The following GRAMD4 variants were observed in gnomAD, a reference collection of about 807,000 sequenced individuals.
GRAMD4 encodes the protein GRAM domain-containing protein 4.
In GRAMD4, 25 loss-of-function variants were observed where a neutral mutation model predicts 83.9. That is an observed-to-expected ratio of 0.30 (90% CI 0.22 to 0.42). The LOEUF is 0.42. Ranked by LOEUF, GRAMD4 falls within the 10% of genes least tolerant of loss-of-function variation. The pLI is 1.00. For missense variants in GRAMD4, 593 were observed against 788.7 expected, an observed-to-expected ratio of 0.75 and a Z score of 2.97; for synonymous variants, 336 against 320.9, an observed-to-expected ratio of 1.05 and a Z score of -0.50.
At chr22:46,636,897 G>A (rs2081897064) in intron 2 of GRAMD4, among the ~76,000 whole-genome samples, 1 of 152,240 alleles carries the variant, frequency 6.6e-6, no homozygotes, top group Non-Finnish European at 1.5e-5. Context: ...GCTTGCTGGG[G>A]CTGTGAGCTG....
chr22:46,584,389 C>T (rs1569244254), intron 1 of GRAMD4, among the ~76,000 whole-genome samples: 1 of 152,140 alleles, frequency 6.6e-6, no homozygotes, highest in Admixed American at 6.5e-5. Flanking sequence ...CCTGTGTCCG[C>T]GTGTAGCCTC....
intron 11 of GRAMD4, 57 bp downstream of exon 11, chr22:46,668,224 G>T (rs2082440320): frequency 1.6e-6 from 2 of 1,278,912 alleles, no homozygotes; most frequent in South Asian, 1.2e-5. Flanking sequence ...GCACCAGCCA[G>T]GGGTGTGTCT....
chr22:46,643,627 G>A (rs986137920), intron 3 of GRAMD4, among the ~76,000 whole-genome samples: 6 of 152,038 alleles, frequency 3.9e-5, no homozygotes, highest in Admixed American at 3.3e-4. Context: ...TGCCTCTTTC[G>A]TCTCCTTTCA....
At chr22:46,671,103 G>A (rs1449061164) in intron 13 of GRAMD4, 1 of 469,516 alleles carries the variant, frequency 2.1e-6, no homozygotes, top group Non-Finnish European at 4.4e-6. Flanking sequence ...TCCAAGCAAG[G>A]ATGGCCCCAG....
rs1420429818 is a variant in GRAMD4 at position 46,678,505 on chromosome 22, G to A, written c.*1254G>A. 1.0e-6 allele frequency: 1 copy of A among 985,390 alleles called. No individual in the cohort carries two copies. The highest frequency in any genetic ancestry group is 1.2e-6 in the Non-Finnish European group (1 of 829,920). The allele number at this position is 985,390 out of a possible 1,614,324, so 61.0% of individuals were successfully genotyped here. ...CTGCTGGGGCCGCCTGCGCTGGGCT[G>A]AAGGGAGGGAAAGGCGGCTTGGGCC... On this transcript the variant is annotated 3_prime_UTR_variant, in exon 19 of 19. Coordinates refer to ENST00000406902, the MANE Select transcript of GRAMD4 (RefSeq NM_015124.5).
chr22:46,655,614 T>TG (rs1489189486), intron 3 of GRAMD4, among the ~76,000 whole-genome samples: 1 of 152,108 alleles, frequency 6.6e-6, no homozygotes, highest in Non-Finnish European at 1.5e-5. Context: ...CAGAGAGGGC[T>TG]GGGGGGTAGC....
chr22:46,585,895 A>G (rs2081145035), intron 1 of GRAMD4, among the ~76,000 whole-genome samples: 1 of 152,204 alleles, frequency 6.6e-6, no homozygotes, highest in Non-Finnish European at 1.5e-5. Flanking sequence ...AGGCTCCTGG[A>G]GACCCAACCA....
At chr22:46,604,861 C>T (rs1024678771) in intron 1 of GRAMD4, among the ~76,000 whole-genome samples, 2 of 135,792 alleles carry the variant, frequency 1.5e-5, no homozygotes, top group Non-Finnish European at 3.2e-5. Context: ...CCATAATGTT[C>T]TCTGGGTTCA....
chr22:46,658,615 G>A (rs1183291855), intron 4 of GRAMD4, among the ~76,000 whole-genome samples: 4 of 152,208 alleles, frequency 2.6e-5, no homozygotes, highest in South Asian at 4.2e-4. Context: ...CTTGGCATGG[G>A]GCCTGCAGAG....
intron 1 of GRAMD4, among the ~76,000 whole-genome samples, chr22:46,583,180 T>G (rs1339009411): frequency 6.6e-6 from 1 of 152,232 alleles, no homozygotes; most frequent in East Asian, 1.9e-4. Context: ...CGCTTCGGTC[T>G]CTCAAAGTGC....
intron 2 of GRAMD4, among the ~76,000 whole-genome samples, chr22:46,631,195 A>C (rs2081770725): frequency 6.6e-6 from 1 of 152,242 alleles, no homozygotes; most frequent in African/African-American, 2.4e-5. Flanking sequence ...TTTCACTGTC[A>C]GTGTGCAGTT....
At chr22:46,648,807 G>C (rs13058660) in intron 3 of GRAMD4, among the ~76,000 whole-genome samples, 6,054 of 76,782 alleles carry the variant, frequency 0.079, 881 homozygotes, top group East Asian at 0.13. Context: ...TGGATGCATG[G>C]ATGGATGGAT....
chr22:46,622,398 G>A lies in GRAMD4; in HGVS notation c.-50+1833G>A, dbSNP rs1264777222. Among the ~76,000 whole-genome samples, 1 of 152,144 alleles carries A rather than the reference G, an allele frequency of 6.6e-6. No individual in the cohort carries two copies. The stretch of plus-strand genomic sequence containing the variant: ...AACCAGGAGGACTCGCCGGGTTTTT[G>A]AAAATGGAAGGAAGTAGGTTTTACA... On this transcript the variant is annotated intron_variant, in intron 1 of 18. Transcript: ENST00000406902. This position sits in a 1 kb window ranked among gnomAD's most constrained non-coding sequence, Gnocchi z 4.0.
exon 1 of GRAMD4, chr22:46,577,220 G>A (rs1406623117): frequency 1.1e-6 from 1 of 931,392 alleles, no homozygotes. Context: ...GGCAGGCGTA[G>A]CGCGGCCGGG....
chr22:46,585,214 G>A (rs2081137314), intron 1 of GRAMD4, among the ~76,000 whole-genome samples: 1 of 150,034 alleles, frequency 6.7e-6, no homozygotes, highest in Non-Finnish European at 1.5e-5. Flanking sequence ...TTTTTAGATG[G>A]AGTTTTGCTC....
In GRAMD4 at chr22:46,677,130, C is replaced by T; in HGVS notation, c.1633-17C>T. The T allele has an allele frequency of 1.9e-6, 3 of 1,612,022 alleles. No individual in the cohort carries two copies. The highest frequency in any genetic ancestry group is 1.1e-5 in the South Asian group (1 of 91,024). ...CTGGCTGTGCCATGCTCACTGGTGG[C>T]ATTTCTTCCCTGCCAGCCGCTCGTG... On this transcript the variant is annotated splice_polypyrimidine_tract_variant and intron_variant, in intron 18 of 18. Transcript: ENST00000406902.
chr22:46,663,577 G>A (rs2147353377), intron 6 of GRAMD4, among the ~76,000 whole-genome samples: 1 of 152,350 alleles, frequency 6.6e-6, no homozygotes, highest in Non-Finnish European at 1.5e-5. Flanking sequence ...TTCTGTTCTG[G>A]GGACACAGGC....
At chr22:46,602,082 G>A (rs905767236) in intron 1 of GRAMD4, among the ~76,000 whole-genome samples, 1 of 152,206 alleles carries the variant, frequency 6.6e-6, no homozygotes, top group East Asian at 1.9e-4. Context: ...GGTGGTGCAC[G>A]GGGGTCCTCG....
chr22:46,636,151 G>C (rs73469140), intron 2 of GRAMD4, among the ~76,000 whole-genome samples: 1 of 152,190 alleles, frequency 6.6e-6, no homozygotes, highest in Non-Finnish European at 1.5e-5. Flanking sequence ...TGTCTCCAGC[G>C]TAAGCTGGAG....
Sources: gnomAD v4.1 joint callset for allele counts (sites outside exome capture counted in the v4.1 genomes callset) on GRCh38, gnomAD v4.1.1 for gene constraint, Gnocchi (gnomAD v3.1) non-coding constraint, MANE v1.5 for transcripts, NCBI Gene and HGNC (gene_info 2026-07-23, HGNC 2026-07-21) for gene names.